HTR1E: variants seen among roughly 807,000 people sequenced by gnomAD.
The protein encoded by HTR1E is 5-hydroxytryptamine receptor 1E.
HTR1E carries 3 observed loss-of-function variants against 3.4 expected under a neutral mutation model. That is an observed-to-expected ratio of 0.89 (90% CI 0.41 to 2.31). The LOEUF (loss-of-function observed/expected upper bound fraction) is 2.31. Among genes scored for constraint, HTR1E ranks in the 30% most tolerant of loss-of-function variants. The pLI, the probability that HTR1E is intolerant of heterozygous loss-of-function variation, is 0.05. For missense variants in HTR1E, 392 were observed against 467.0 expected, an observed-to-expected ratio of 0.84 and a Z score of 1.48; for synonymous variants, 170 against 182.8, an observed-to-expected ratio of 0.93 and a Z score of 0.56.
chr6:86,946,081 G>A (rs1340312827), intron 1 of HTR1E, among the ~76,000 whole-genome samples: 1 of 152,060 alleles, frequency 6.6e-6, no homozygotes, highest in Non-Finnish European at 1.5e-5. Flanking sequence ...AGTAAGATAA[G>A]GTTAACTTAT....
intron 1 of HTR1E, among the ~76,000 whole-genome samples, chr6:86,973,200 T>C (rs1767584785): frequency 6.6e-6 from 1 of 152,170 alleles, no homozygotes; most frequent in Non-Finnish European, 1.5e-5. Flanking sequence ...TTAACTCCAC[T>C]GTAGGTTCTA....
intron 1 of HTR1E, among the ~76,000 whole-genome samples, chr6:87,012,499 C>T (rs1284144029): frequency 6.6e-6 from 1 of 152,114 alleles, no homozygotes; most frequent in African/African-American, 2.4e-5. Context: ...CCCTGCAACA[C>T]ACAGTTTACC....
At chr6:87,004,967 T>G (rs562499656) in intron 1 of HTR1E, among the ~76,000 whole-genome samples, 6 of 151,912 alleles carry the variant, frequency 3.9e-5, no homozygotes, top group Non-Finnish European at 5.9e-5. Flanking sequence ...AAAAAGACAT[T>G]AAGAAAGTAA....
Position 87,015,402 on chromosome 6 carries a change from T to A in HTR1E, c.68T>A (p.Met23Lys). 7 of 1,611,770 alleles carry A rather than the reference T, an allele frequency of 4.3e-6. No homozygotes were observed. The highest frequency in any genetic ancestry group is 5.9e-6 in the Non-Finnish European group (7 of 1,178,518). Reference protein sequence around the residue: ...AIRPKTITEKMLICMTLVVIT... With the variant: ...AIRPKTITEKKLICMTLVVIT... ...AGACCCAAGACCATCACTGAGAAGATGCTCATTTGCATGACTCTGGTGGTC... is the reference window on the plus strand; with the variant it reads ...AGACCCAAGACCATCACTGAGAAGAAGCTCATTTGCATGACTCTGGTGGTC... Residue 23 changes from methionine (M) to lysine (K), a missense_variant, in exon 2 of 2, where the codon ATG becomes AAG. Met to Lys is a moderately conservative substitution (Grantham distance 95, BLOSUM62 -1). Coordinates refer to ENST00000305344, the MANE Select transcript of HTR1E (RefSeq NM_000865.3).
chr6:86,956,006 C>G (rs1402337109), intron 1 of HTR1E, among the ~76,000 whole-genome samples: 1 of 152,150 alleles, frequency 6.6e-6, no homozygotes, highest in Non-Finnish European at 1.5e-5. Flanking sequence ...TTATACCCTT[C>G]TCTCTTTGGA....
intron 1 of HTR1E, among the ~76,000 whole-genome samples, chr6:86,991,130 A>G (rs1417125395): frequency 6.6e-6 from 1 of 152,172 alleles, no homozygotes; most frequent in Non-Finnish European, 1.5e-5. Context: ...TTTTTTCTAC[A>G]GAATACCTGG....
intron 1 of HTR1E, among the ~76,000 whole-genome samples, chr6:86,953,761 A>T (rs1319450957): frequency 6.6e-6 from 1 of 152,228 alleles, no homozygotes; most frequent in Non-Finnish European, 1.5e-5. Context: ...TGGGTAATAT[A>T]TAAAGAAAAG....
chr6:87,007,776 A>C (rs529940778), intron 1 of HTR1E, among the ~76,000 whole-genome samples: 1 of 152,204 alleles, frequency 6.6e-6, no homozygotes, highest in African/African-American at 2.4e-5. Context: ...CTCTATAATA[A>C]ATACAAAAAT....
At chr6:87,011,821 T>C (rs1768241876) in intron 1 of HTR1E, among the ~76,000 whole-genome samples, 1 of 151,316 alleles carries the variant, frequency 6.6e-6, no homozygotes, top group Admixed American at 6.6e-5. Context: ...TGTAAATAAG[T>C]AAAAAAGGAA....
chr6:86,947,600 C>T (rs1767139706), intron 1 of HTR1E, among the ~76,000 whole-genome samples: 1 of 151,862 alleles, frequency 6.6e-6, no homozygotes. Context: ...TGAATTTCTG[C>T]CTTAGTGCTT....
At chr6:86,979,407 A>G (rs1489167789) in intron 1 of HTR1E, among the ~76,000 whole-genome samples, 1 of 152,236 alleles carries the variant, frequency 6.6e-6, no homozygotes, top group Non-Finnish European at 1.5e-5. Flanking sequence ...CTGAAGGCCA[A>G]ATAGTAACTA....
chr6:87,015,846 G>A lies in HTR1E; in HGVS notation c.512G>A (p.Ser171Asn), dbSNP rs967894129. Reference protein sequence around the residue: ...RSHRRLSPPPSQCTIQHDHVI... With the variant: ...RSHRRLSPPPNQCTIQHDHVI... ...CACCGCCGCCTAAGCCCTCCCCCTA[G>A]TCAGTGCACCATCCAGCACGACCAT... The change falls in exon 2 of 2, where the codon AGT becomes AAT. Residue 171 changes from serine (S) to asparagine (N), a missense_variant. By Grantham distance (46) the Ser-to-Asn change is conservative. Around this residue, in one of 3 missense-constraint regions of HTR1E, gnomAD observed 189 missense variants for 258.0 expected, o/e 0.73. Transcript: ENST00000305344. The A allele has an allele frequency of 6.2e-7, 1 of 1,613,668 alleles. No individual in the cohort carries two copies. The highest frequency in any genetic ancestry group is 8.5e-7 in the Non-Finnish European group (1 of 1,179,796).
chr6:87,007,314 C>T (rs1328095615), intron 1 of HTR1E, among the ~76,000 whole-genome samples: 1 of 152,032 alleles, frequency 6.6e-6, no homozygotes, highest in African/African-American at 2.4e-5. Context: ...ATGATGGCTA[C>T]CAGAGGCTGG....
intron 1 of HTR1E, among the ~76,000 whole-genome samples, chr6:86,972,264 T>C (rs1767568392): frequency 6.6e-6 from 1 of 152,204 alleles, no homozygotes; most frequent in Non-Finnish European, 1.5e-5. Context: ...GTAAAATGTA[T>C]TAAAAATTCT....
At chr6:86,949,198 T>A (rs1455878648) in intron 1 of HTR1E, among the ~76,000 whole-genome samples, 1 of 152,130 alleles carries the variant, frequency 6.6e-6, no homozygotes, top group Non-Finnish European at 1.5e-5. Flanking sequence ...CGAGGGAAGG[T>A]TATATGACCT....
chr6:86,941,849 T>C (rs1006083301), intron 1 of HTR1E, among the ~76,000 whole-genome samples: 1 of 141,948 alleles, frequency 7.0e-6, no homozygotes. Context: ...AAGGAAGGAA[T>C]GAAGGAAGGA....
chr6:86,956,763 G>C (rs1767331427), intron 1 of HTR1E, among the ~76,000 whole-genome samples: 2 of 152,228 alleles, frequency 1.3e-5, no homozygotes, highest in African/African-American at 2.4e-5. Flanking sequence ...GATTTTCTTG[G>C]TCAGAGCTGG....
chr6:86,960,658 G>C (rs1316906360), intron 1 of HTR1E, among the ~76,000 whole-genome samples: 1 of 152,284 alleles, frequency 6.6e-6, no homozygotes, highest in East Asian at 1.9e-4. Flanking sequence ...TGAAAGAAAG[G>C]CTGAGCTAGG....
chr6:87,005,998 T>A (rs376714673), intron 1 of HTR1E, among the ~76,000 whole-genome samples: 1 of 152,210 alleles, frequency 6.6e-6, no homozygotes, highest in African/African-American at 2.4e-5. Context: ...TCACTGATCA[T>A]CAGATAAGTG....
Sources: gnomAD v4.1 joint callset for allele counts (sites outside exome capture counted in the v4.1 genomes callset) on GRCh38, gnomAD v4.1.1 for gene constraint, gnomAD v4.1.1 regional missense constraint, MANE v1.5 for transcripts, NCBI Gene and HGNC (gene_info 2026-07-23, HGNC 2026-07-21) for gene names.